Variants in SOX6 observed in about 807,000 individuals in gnomAD.
SOX6 encodes transcription factor SOX-6.
A neutral mutation model predicts 97.8 loss-of-function variants in SOX6; 11 were observed. The ratio of observed to expected loss-of-function variants is 0.11; its 90% CI spans 0.07 to 0.19. The LOEUF (loss-of-function observed/expected upper bound fraction) is 0.19, where lower values mean the gene tolerates loss of function less well. Among genes scored for constraint, SOX6 ranks in the 10% least tolerant of loss-of-function variants. The pLI, the probability that SOX6 is intolerant of heterozygous loss-of-function variation, is 1.00. For missense variants in SOX6, 810 were observed against 1,039.5 expected (o/e 0.78, Z 3.04); for synonymous variants, 360 against 371.4 (o/e 0.97, Z 0.35).
In SOX6 at chr11:15,969,576, C is replaced by A. The variant is rs1013083577; in HGVS notation, c.*3233G>T. The A allele has an allele frequency of 6.6e-6, 1 of 152,052 alleles. No homozygotes were observed. Among genetic ancestry groups the A allele is most frequent in the Non-Finnish European group, 1.5e-5 (1 of 68,030 alleles). 9.4% of individuals were successfully genotyped at this position (152,052 alleles called of 1,614,324 possible). A position where few individuals can be genotyped will look rare whatever the true frequency, so the allele number is the denominator to read the frequency against. On this transcript the variant is annotated 3_prime_UTR_variant, in exon 16 of 16. Transcript: ENST00000683767. ...CACTGTAGCTGATAACTCACTACCC[C>A]GAGAGGCACAGTGACTCATCAACTT...
intron 4 of SOX6, among the ~76,000 whole-genome samples, chr11:16,566,095 CAAAA>C (rs67916329): frequency 4.0e-5 from 4 of 98,806 alleles, no homozygotes; most frequent in Non-Finnish European, 6.5e-5. Context: ...GACTCCGTCT[CAAAA>C]AAAAAAAAAA....
At chr11:16,133,387 C>T (rs1223394127) in intron 6 of SOX6, among the ~76,000 whole-genome samples, 1 of 152,086 alleles carries the variant, frequency 6.6e-6, no homozygotes, top group Non-Finnish European at 1.5e-5. Context: ...ATCATCAAAC[C>T]ATGTTTGTGA....
chr11:16,535,971 C>CCAAGCATATT (rs1271352079), intron 4 of SOX6, among the ~76,000 whole-genome samples: 2 of 152,054 alleles, frequency 1.3e-5, no homozygotes, highest in African/African-American at 4.8e-5. Context: ...AGGACATGAC[C>CCAAGCATATT]CAAGCATATT....
intron 3 of SOX6, among the ~76,000 whole-genome samples, chr11:16,694,174 G>T (rs1346556345): frequency 6.6e-6 from 1 of 152,186 alleles, no homozygotes; most frequent in Non-Finnish European, 1.5e-5. Context: ...GATTTAGTAT[G>T]TAAGGTCATG....
chr11:16,013,482 C>A (rs1018119032), intron 13 of SOX6, among the ~76,000 whole-genome samples: 2 of 151,990 alleles, frequency 1.3e-5, no homozygotes, highest in African/African-American at 2.4e-5. Flanking sequence ...GGAAAACCTG[C>A]ACTTTTAAGT....
chr11:16,662,864 G>A (rs527260535), intron 3 of SOX6, among the ~76,000 whole-genome samples: 30 of 151,946 alleles, frequency 2.0e-4, no homozygotes, highest in Non-Finnish European at 4.1e-4. Flanking sequence ...TGGCTTTTTT[G>A]GGGGAGGCGG....
chr11:16,336,957 A>G (rs191868639), intron 2 of SOX6, among the ~76,000 whole-genome samples: 15 of 152,294 alleles, frequency 9.8e-5, no homozygotes, highest in Admixed American at 5.9e-4. Flanking sequence ...TTTTTAAAGC[A>G]GTAATTCTCT....
chr11:16,408,868 T>A (rs1383706215), intron 1 of SOX6: 1 of 151,970 alleles, frequency 6.6e-6, no homozygotes, highest in Non-Finnish European at 1.5e-5. Context: ...AAAATATGAC[T>A]AAAACTAACC....
At chr11:16,602,927 G>T (rs745622941) in intron 4 of SOX6, among the ~76,000 whole-genome samples, 1 of 151,956 alleles carries the variant, frequency 6.6e-6, no homozygotes. Context: ...AGACTGAGGC[G>T]GAAGAATCGC....
intron 3 of SOX6, among the ~76,000 whole-genome samples, chr11:16,242,298 T>G (rs1018513785): frequency 6.6e-6 from 1 of 152,054 alleles, no homozygotes; most frequent in African/African-American, 2.4e-5. Context: ...AGTAACATGC[T>G]GCACAGGTTT....
chr11:16,169,044 T>C (rs1170196436), intron 6 of SOX6, among the ~76,000 whole-genome samples: 1 of 152,294 alleles, frequency 6.6e-6, no homozygotes, highest in South Asian at 2.1e-4. Context: ...TCCTAATTTT[T>C]CTATATTAAA....
At chr11:16,203,600 G>T (rs1360779860) in intron 4 of SOX6, among the ~76,000 whole-genome samples, 1 of 152,110 alleles carries the variant, frequency 6.6e-6, no homozygotes, top group Non-Finnish European at 1.5e-5. Flanking sequence ...AACATCTGAA[G>T]TAGCTACTGT....
chr11:16,375,517 A>G lies in SOX6; in HGVS notation c.-4-34265T>C, dbSNP rs543056886. On this transcript the variant is annotated intron_variant, in intron 1 of 15. Coordinates refer to the SOX6 transcript ENST00000396356. ...TGTACAGAAAAGAAAAAAAAAAAAG[A>G]GAAGAAATTGTCCTGGTCCTAAAGA... 1.3e-3 allele frequency among the ~76,000 whole-genome samples: 196 copies of G among 152,106 alleles called. 4 individuals carry two copies. The highest frequency in any genetic ancestry group is 6.8e-3 in the Admixed American group (104 of 15,252).
chr11:16,182,017 A>G (rs1469107954), intron 6 of SOX6, among the ~76,000 whole-genome samples: 1 of 151,812 alleles, frequency 6.6e-6, no homozygotes, highest in Non-Finnish European at 1.5e-5. Context: ...CCAAATGTTC[A>G]TTCCAATGAA....
Position 16,487,441 on chromosome 11 carries a change from T to C in SOX6, n.610-11053A>G, listed in dbSNP as rs183011157. ...ATGACCATTTGGATTCATTGTAAGA[T>C]AGATGCCATAGTTAGAAGAGTCTTG... On this transcript the variant is annotated intron_variant and non_coding_transcript_variant, in intron 4 of 5. Transcript: ENST00000524520. Among the ~76,000 whole-genome samples, 769 of 152,302 alleles carry C rather than the reference T, an allele frequency of 5.0e-3. 4 individuals carry two copies. The highest frequency in any genetic ancestry group is 9.5e-3 in the Non-Finnish European group (648 of 68,020).
At chr11:16,553,264 C>T (rs1028339086) in intron 4 of SOX6, among the ~76,000 whole-genome samples, 1 of 152,156 alleles carries the variant, frequency 6.6e-6, no homozygotes, top group African/African-American at 2.4e-5. Context: ...CCTTGCAGAG[C>T]AGGCTAACTC....
intron 3 of SOX6, among the ~76,000 whole-genome samples, chr11:16,285,764 A>G (rs915469299): frequency 6.6e-6 from 1 of 152,084 alleles, no homozygotes; most frequent in Non-Finnish European, 1.5e-5. Flanking sequence ...ATGTTGCCTG[A>G]TCCTAAATCA....
intron 6 of SOX6, among the ~76,000 whole-genome samples, chr11:16,123,306 G>A (rs1313055906): frequency 3.3e-5 from 5 of 152,020 alleles, no homozygotes; most frequent in African/African-American, 1.2e-4. Flanking sequence ...GAGAGCAGAA[G>A]CAGTTTCATC....
At chr11:16,449,288 T>A (rs1169072742) in intron 1 of SOX6, among the ~76,000 whole-genome samples, 1 of 62,918 alleles carries the variant, frequency 1.6e-5, no homozygotes, top group South Asian at 1.0e-3. Flanking sequence ...TTTTTTTTTT[T>A]TTTTTTTTTT....
Sources: allele counts gnomAD v4.1 joint callset (sites outside exome capture counted in the v4.1 genomes callset), GRCh38; gene constraint gnomAD v4.1.1; transcripts MANE v1.5; gene names NCBI Gene and HGNC (gene_info 2026-07-23, HGNC 2026-07-21).